CCDC85A: variants seen among roughly 807,000 people sequenced by gnomAD.
The protein encoded by CCDC85A is coiled-coil domain containing 85A.
In CCDC85A, 38 loss-of-function variants were observed where a neutral mutation model predicts 50.2. That is an observed-to-expected ratio of 0.76 (90% CI 0.58 to 0.99). The LOEUF (loss-of-function observed/expected upper bound fraction) is 0.99. Ranked by LOEUF, CCDC85A falls within the 50% of genes least tolerant of loss-of-function variation. CCDC85A has a pLI of 0.00. For synonymous variants in CCDC85A, 366 were observed against 301.4 expected (o/e 1.21, Z -2.22); for missense variants, 820 against 742.0 (o/e 1.11, Z -1.22).
intron 2 of CCDC85A, among the ~76,000 whole-genome samples, chr2:56,268,310 A>T (rs72923460): frequency 6.6e-6 from 1 of 152,168 alleles, no homozygotes; most frequent in Admixed American, 6.5e-5. Context: ...AAGAAAAAAA[A>T]TGACAGGCCG....
chr2:56,322,850 T>C (rs1673273959), intron 2 of CCDC85A, among the ~76,000 whole-genome samples: 1 of 152,152 alleles, frequency 6.6e-6, no homozygotes. Flanking sequence ...CACATGTGTG[T>C]TTATTATGGC....
intron 3 of CCDC85A, among the ~76,000 whole-genome samples, chr2:56,345,407 T>G (rs1674587147): frequency 6.6e-6 from 1 of 152,178 alleles, no homozygotes; most frequent in African/African-American, 2.4e-5. Context: ...TCAAAGTAAT[T>G]TAGTTATTTA....
At chr2:56,292,220 C>G (rs1671745276) in intron 2 of CCDC85A, among the ~76,000 whole-genome samples, 1 of 152,084 alleles carries the variant, frequency 6.6e-6, no homozygotes, top group African/African-American at 2.4e-5. Context: ...GTAGCTGGGA[C>G]TACAGGCAAC....
At chr2:56,214,131 GT>G (rs1677298495) in intron 2 of CCDC85A, among the ~76,000 whole-genome samples, 1 of 84,146 alleles carries the variant, frequency 1.2e-5, no homozygotes, top group African/African-American at 5.8e-5. Context: ...TATATAATAT[GT>G]TAAGAGTATG....
intron 2 of CCDC85A, among the ~76,000 whole-genome samples, chr2:56,251,132 T>C (rs954001829): frequency 2.6e-5 from 4 of 152,186 alleles, no homozygotes; most frequent in African/African-American, 4.8e-5. Context: ...GATCTATAAA[T>C]AGTACTGCAA....
intron 5 of CCDC85A, chr2:56,379,780 C>T (rs985833830): frequency 3.0e-6 from 3 of 984,536 alleles, no homozygotes; most frequent in Middle Eastern, 5.2e-4. Context: ...TATAGATCGT[C>T]AACAGGGTAA....
intron 2 of CCDC85A, among the ~76,000 whole-genome samples, chr2:56,281,379 G>A (rs1037963518): frequency 1.5e-4 from 23 of 152,128 alleles, no homozygotes; most frequent in African/African-American, 5.1e-4. Context: ...TCTGAATAAA[G>A]TCATGGACAT....
At chr2:56,258,572 C>T (rs1304856681) in intron 2 of CCDC85A, among the ~76,000 whole-genome samples, 1 of 152,182 alleles carries the variant, frequency 6.6e-6, no homozygotes, top group East Asian at 1.9e-4. Context: ...AGTTTAGACT[C>T]TCTCATGCAG....
chr2:56,351,816 A>G (rs79213716), intron 3 of CCDC85A, among the ~76,000 whole-genome samples: 22,332 of 150,414 alleles, frequency 0.15, 1,829 homozygotes, highest in East Asian at 0.28. Flanking sequence ...TGTTCACTCC[A>G]ATGGTAGTTT....
chr2:56,320,809 A>G (rs960934068), intron 2 of CCDC85A, among the ~76,000 whole-genome samples: 1 of 152,172 alleles, frequency 6.6e-6, no homozygotes, highest in African/African-American at 2.4e-5. Flanking sequence ...CATCATCCTG[A>G]TATCAAAGGC....
intron 2 of CCDC85A, among the ~76,000 whole-genome samples, chr2:56,335,096 A>G (rs542871010): frequency 4.2e-4 from 64 of 152,308 alleles, no homozygotes; most frequent in Non-Finnish European, 6.9e-4. Context: ...GCTGGTTCCA[A>G]CAAATTTTTT....
At position 56,370,395 on chromosome 2, in the gene CCDC85A, A is replaced by T. The variant is rs781395942; in HGVS notation, c.1318-1949A>T. 2.6e-5 allele frequency among the ~76,000 whole-genome samples: 4 copies of T among 152,192 alleles called. No individual in the cohort carries two copies. The East Asian group carries it at 7.7e-4, about 29-fold the overall frequency. On this transcript the variant is annotated intron_variant, in intron 3 of 5. Transcript: ENST00000407595. ...TGGCTGGCCCAGAACACACTTTTCT[A>T]TATACCTAGATTAAAAAAATATATA...
At chr2:56,339,924 A>G (rs1234368644) in intron 2 of CCDC85A, among the ~76,000 whole-genome samples, 2 of 152,232 alleles carry the variant, frequency 1.3e-5, no homozygotes, top group Non-Finnish European at 2.9e-5. Flanking sequence ...GGAAGAGTCC[A>G]TAAAGCAGAG....
chr2:56,292,207 C>T (rs561368490), intron 2 of CCDC85A, among the ~76,000 whole-genome samples: 49 of 152,194 alleles, frequency 3.2e-4, no homozygotes, highest in Non-Finnish European at 5.7e-4. Context: ...CTCAGCCTCC[C>T]GAGTAGCTGG....
chr2:56,191,021 C>G (rs545269649), intron 1 of CCDC85A, among the ~76,000 whole-genome samples: 2 of 152,162 alleles, frequency 1.3e-5, no homozygotes, highest in African/African-American at 4.8e-5. Context: ...TTGACTTGCT[C>G]TCTGTTCTTT....
intron 2 of CCDC85A, among the ~76,000 whole-genome samples, chr2:56,301,538 C>T (rs1672203779): frequency 1.3e-5 from 2 of 152,036 alleles, no homozygotes; most frequent in Non-Finnish European, 2.9e-5. Flanking sequence ...TTTTTGATAA[C>T]ATGATTAATA....
chr2:56,254,892 G>C (rs559875039), intron 2 of CCDC85A, among the ~76,000 whole-genome samples: 1 of 152,146 alleles, frequency 6.6e-6, no homozygotes, highest in Non-Finnish European at 1.5e-5. Context: ...GTGAAAGCAG[G>C]CTAGGTTATA....
chr2:56,374,898 C>T (rs1042238444), intron 4 of CCDC85A, among the ~76,000 whole-genome samples: 5 of 152,170 alleles, frequency 3.3e-5, no homozygotes, highest in African/African-American at 7.2e-5. Flanking sequence ...TTGATAGAAT[C>T]AACTTGAATG....
At chr2:56,200,318 T>G (rs1412655659) in intron 2 of CCDC85A, among the ~76,000 whole-genome samples, 2 of 152,232 alleles carry the variant, frequency 1.3e-5, no homozygotes, top group Non-Finnish European at 2.9e-5. Flanking sequence ...TGGTGAGCAT[T>G]GAGCATATTT....
Sources: gnomAD v4.1 joint callset for allele counts (sites outside exome capture counted in the v4.1 genomes callset) on GRCh38, gnomAD v4.1.1 for gene constraint, MANE v1.5 for transcripts, NCBI Gene and HGNC (gene_info 2026-07-23, HGNC 2026-07-21) for gene names.